B3GALT1: variants seen among roughly 807,000 people sequenced by gnomAD.
B3GALT1 encodes the protein UDP-Gal:betaGlcNAc beta 1,3-galactosyltransferase, polypeptide 1.
Under a neutral mutation model 23.2 loss-of-function variants are expected in B3GALT1, and 10 were observed. The observed-to-expected ratio is 0.43, with a 90% CI of 0.27 to 0.73. The LOEUF (loss-of-function observed/expected upper bound fraction) is 0.73. B3GALT1 is among the 30% of genes least tolerant of loss of function. The probability of loss-of-function intolerance (pLI) is 0.21; values close to 1 mark genes in which losing one functional copy is unlikely to be tolerated. For missense variants in B3GALT1, 299 were observed against 405.4 expected, an observed-to-expected ratio of 0.74 and a Z score of 2.25; for synonymous variants, 156 against 141.5, an observed-to-expected ratio of 1.10 and a Z score of -0.73.
chr2:167,340,717 A>C (rs1697134743), intron 1 of B3GALT1, among the ~76,000 whole-genome samples: 1 of 152,208 alleles, frequency 6.6e-6, no homozygotes, highest in Admixed American at 6.5e-5. Flanking sequence ...AAGGAAGAGC[A>C]AAGATCTTCT....
intron 4 of B3GALT1, among the ~76,000 whole-genome samples, chr2:167,844,364 C>G (rs185095405): frequency 1.3e-5 from 2 of 152,134 alleles, no homozygotes; most frequent in African/African-American, 2.4e-5. Flanking sequence ...GACCCACAGA[C>G]CCTCTGAAGG....
At chr2:167,635,874 C>T (rs920388877) in intron 2 of B3GALT1, among the ~76,000 whole-genome samples, 27 of 152,064 alleles carry the variant, frequency 1.8e-4, no homozygotes, top group African/African-American at 6.5e-4. Context: ...CAAAAGACTC[C>T]ATATAGCCAA....
At chr2:167,658,323 GA>G (rs1052192584) in intron 3 of B3GALT1, among the ~76,000 whole-genome samples, 2 of 151,854 alleles carry the variant, frequency 1.3e-5, no homozygotes, top group South Asian at 2.1e-4. Flanking sequence ...GATGCTGGTA[GA>G]AAAAAAATCC....
At chr2:167,336,860 A>G (rs1181237814) in intron 1 of B3GALT1, among the ~76,000 whole-genome samples, 1 of 152,146 alleles carries the variant, frequency 6.6e-6, no homozygotes, top group East Asian at 1.9e-4. Context: ...ATGTGTCATG[A>G]ATTTAACCCA....
At chr2:167,823,005 C>A (rs1055206192) in intron 4 of B3GALT1, among the ~76,000 whole-genome samples, 1 of 152,242 alleles carries the variant, frequency 6.6e-6, no homozygotes, top group East Asian at 1.9e-4. Context: ...TCTAGCAATG[C>A]AAAATGAGTA....
chr2:167,421,818 A>G (rs1477615698), intron 1 of B3GALT1, among the ~76,000 whole-genome samples: 1 of 152,252 alleles, frequency 6.6e-6, no homozygotes, highest in Non-Finnish European at 1.5e-5. Context: ...CAGCTTGACC[A>G]TAGCTTAGGA....
chr2:167,333,610 C>T (rs1157631075), intron 1 of B3GALT1, among the ~76,000 whole-genome samples: 2 of 152,148 alleles, frequency 1.3e-5, no homozygotes, highest in Admixed American at 1.3e-4. Flanking sequence ...ATTGAAACTA[C>T]CTGATGACCT....
chr2:167,856,099 C>G (rs942069228), intron 4 of B3GALT1, among the ~76,000 whole-genome samples: 1 of 152,118 alleles, frequency 6.6e-6, no homozygotes, highest in African/African-American at 2.4e-5. Context: ...TAAAACACAT[C>G]TATGTCGATG....
chr2:167,808,492 C>T (rs1688809829), intron 3 of B3GALT1, among the ~76,000 whole-genome samples: 1 of 151,738 alleles, frequency 6.6e-6, no homozygotes, highest in African/African-American at 2.4e-5. Context: ...GTGACAAAAT[C>T]TCTCAGCATT....
rs535598113 is a variant in B3GALT1, at chr2:167,590,174, G to A, written c.-409-56735G>A. Among the ~76,000 whole-genome samples the A allele has an allele frequency of 2.0e-3, 300 of 151,870 alleles. 4 individuals carry two copies. The highest frequency in any genetic ancestry group is 1.2e-3 in the Non-Finnish European group (84 of 67,940). On this transcript the variant is annotated intron_variant, in intron 2 of 4. Transcript: ENST00000392690. The stretch of plus-strand genomic sequence containing the variant: ...ATCCTGGCTAACACAGTGAAACCCC[G>A]TCTCTACTAAAAATACAAAAAATTA...
chr2:167,831,303 G>A (rs1287802738), intron 4 of B3GALT1, among the ~76,000 whole-genome samples: 1 of 152,174 alleles, frequency 6.6e-6, no homozygotes, highest in African/African-American at 2.4e-5. Flanking sequence ...TCCTTTATAC[G>A]AGGTGCATCT....
chr2:167,514,542 A>G (rs1306556503), intron 2 of B3GALT1, among the ~76,000 whole-genome samples: 5 of 152,222 alleles, frequency 3.3e-5, no homozygotes. Flanking sequence ...GTTAGTTTAC[A>G]GTCCCAGCCC....
At chr2:167,349,434 G>A (rs952933900) in intron 1 of B3GALT1, among the ~76,000 whole-genome samples, 1 of 152,064 alleles carries the variant, frequency 6.6e-6, no homozygotes, top group Non-Finnish European at 1.5e-5. Flanking sequence ...TGGCAATTCG[G>A]ATATGCCAAA....
At chr2:167,329,111 T>C (rs1696935822) in intron 1 of B3GALT1, among the ~76,000 whole-genome samples, 2 of 152,162 alleles carry the variant, frequency 1.3e-5, no homozygotes, top group South Asian at 4.1e-4. Context: ...CCACGCCTGG[T>C]CACAGTCTTT....
At chr2:167,450,693 G>A (rs186209668) in intron 1 of B3GALT1, among the ~76,000 whole-genome samples, 1 of 152,206 alleles carries the variant, frequency 6.6e-6, no homozygotes, top group African/African-American at 2.4e-5. Flanking sequence ...TTTTTTCAAT[G>A]AATTTCCCAG....
chr2:167,307,464 T>C (rs1389917574), intron 1 of B3GALT1, among the ~76,000 whole-genome samples: 1 of 152,020 alleles, frequency 6.6e-6, no homozygotes, highest in Non-Finnish European at 1.5e-5. Flanking sequence ...GTACTTATTT[T>C]TCCTGTCAAG....
intron 1 of B3GALT1, among the ~76,000 whole-genome samples, chr2:167,316,284 C>T (rs965454060): frequency 1.3e-5 from 2 of 151,822 alleles, no homozygotes; most frequent in Admixed American, 1.3e-4. Context: ...TTGGGGTGTG[C>T]ATTCAACTCA....
chr2:167,870,263 A>C lies in B3GALT1; in HGVS notation c.*243A>C. The stretch of plus-strand genomic sequence containing the variant: ...GTCCCAGAGCATTGCTATTTATCTC[A>C]AAAAGTGACTTCCAAACAACTCTTA... On this transcript the variant is annotated 3_prime_UTR_variant, in exon 5 of 5. Coordinates refer to ENST00000392690, the MANE Select transcript of B3GALT1 (RefSeq NM_020981.4). 1 of 381,588 alleles carries C rather than the reference A, an allele frequency of 2.6e-6. No homozygotes were observed. 23.6% of individuals were successfully genotyped at this position (381,588 alleles called of 1,614,324 possible). A position where few individuals can be genotyped will look rare whatever the true frequency, so the allele number is the denominator to read the frequency against.
At chr2:167,510,764 GCA>G (rs1699992846) in intron 2 of B3GALT1, among the ~76,000 whole-genome samples, 2 of 152,188 alleles carry the variant, frequency 1.3e-5, no homozygotes, top group Middle Eastern at 3.4e-3. Flanking sequence ...GCTCAATTTT[GCA>G]CAGTTTAAAT....
Sources: gnomAD v4.1 joint callset for allele counts (sites outside exome capture counted in the v4.1 genomes callset) on GRCh38, gnomAD v4.1.1 for gene constraint, MANE v1.5 for transcripts, NCBI Gene and HGNC (gene_info 2026-07-23, HGNC 2026-07-21) for gene names.